CALCB: variants seen among roughly 807,000 people sequenced by gnomAD.
CALCB encodes calcitonin gene-related peptide 2.
A neutral mutation model predicts 10.7 loss-of-function variants in CALCB; 8 were observed. That is an observed-to-expected ratio of 0.75 (90% confidence interval 0.44 to 1.34). CALCB has a LOEUF of 1.34. Among genes scored for constraint, CALCB ranks in the 40% most tolerant of loss-of-function variants. The pLI is 0.01. For synonymous variants in CALCB, 76 were observed against 66.9 expected, an observed-to-expected ratio of 1.14 and a Z score of -0.66; for missense variants, 176 against 162.5, an observed-to-expected ratio of 1.08 and a Z score of -0.45.
rs767532661 is a variant in CALCB at position 15,074,760 on chromosome 11, C to T, written c.42C>T (p.Ile14=). 1 of 1,614,178 alleles carries T rather than the reference C, an allele frequency of 6.2e-7. No individual in the cohort carries two copies. The highest frequency in any genetic ancestry group is 1.7e-5 in the Admixed American group (1 of 60,024). ...TCTCCCCCTTCCTGGCTCTCAGTAT[C>T]TTGGTCCTGTACCAGGCGGGCAGCC... ...RKFSPFLALS[I]LVLYQAGSLQ... The change falls in exon 2 of 5, where the codon ATC becomes ATT. Residue 14 remains isoleucine, a synonymous_variant. Coordinates refer to ENST00000324229, the MANE Select transcript of CALCB (RefSeq NM_000728.4).
At chr11:15,076,799 G>T (rs1388733236) in intron 3 of CALCB, among the ~76,000 whole-genome samples, 1 of 152,214 alleles carries the variant, frequency 6.6e-6, no homozygotes, top group Non-Finnish European at 1.5e-5. Flanking sequence ...GGCTTGGTGG[G>T]TCATCACTAT....
intron 4 of CALCB, 58 bp from the exon 5 acceptor site, chr11:15,078,025 T>C (rs1009944350): frequency 6.6e-6 from 1 of 152,306 alleles, no homozygotes; most frequent in Non-Finnish European, 1.5e-5. Context: ...TTCTTCCTTT[T>C]TCTCTCCTTT....
chr11:15,075,075 G>T lies in CALCB; in HGVS notation c.101G>T (p.Ser34Ile). The T allele has an allele frequency of 6.2e-7, 1 of 1,614,208 alleles. No individual in the cohort carries two copies. Among genetic ancestry groups the T allele is most frequent in the South Asian group, 1.1e-5 (1 of 91,090 alleles). The change falls in exon 3 of 5, where the codon AGC becomes ATC. Residue 34 changes from serine to isoleucine, a missense_variant. Transcript: ENST00000324229. ...QAAPFRSALE[S>I]SPDPATLSKE... ...CCCTTCCACAGGTCTGCCCTGGAGA[G>T]CAGCCCAGACCCGGCCACACTCAGT...
chr11:15,075,981 G>A (rs1407327527), intron 3 of CALCB, among the ~76,000 whole-genome samples: 2 of 152,170 alleles, frequency 1.3e-5, no homozygotes, highest in East Asian at 3.9e-4. Context: ...TCCTCATTCA[G>A]CCCTTCTCTA....
At chr11:15,077,200 C>G in intron 3 of CALCB, 86 bp from the exon 4 acceptor site, 4 of 1,408,268 alleles carry the variant, frequency 2.8e-6, no homozygotes, top group South Asian at 1.2e-5. Context: ...GGTGGTGTGT[C>G]GAAGTGTTGC....
Position 15,075,187 on chromosome 11 carries a change from A to AGGAG in CALCB, c.213_214insGGAG (p.Gln72GlyfsTer61). On this transcript the variant is annotated frameshift_variant, in exon 3 of 5. Coordinates refer to ENST00000324229, the MANE Select transcript of CALCB (RefSeq NM_000728.4). LOFTEE classifies it high-confidence loss of function. ...GTGAGCTGAAGCAGGAGCAGGAGACACAGGGCTCCAGGTGAGGTTCCCCAA... is the reference window on the plus strand; with the variant it reads ...GTGAGCTGAAGCAGGAGCAGGAGACAGGAGCAGGGCTCCAGGTGAGGTTCCCCAA... 1 of 1,614,152 alleles carries AGGAG rather than the reference A, an allele frequency of 6.2e-7. No individual in the cohort carries two copies.
chr11:15,075,257 G>A, intron 3 of CALCB, 59 bp downstream of exon 3: 1 of 1,611,618 alleles, frequency 6.2e-7, no homozygotes, highest in African/African-American at 1.3e-5. Flanking sequence ...ACACAGGAAG[G>A]TGGATCCCAA....
rs751261259 is a variant in CALCB at position 15,077,341 on chromosome 11, G to A, written c.280G>A (p.Ala94Thr). 10 of 1,614,122 alleles carry A rather than the reference G, an allele frequency of 6.2e-6. No homozygotes were observed. In the Admixed American group the frequency reaches 1.7e-4, roughly 27 times the overall value. The change falls in exon 4 of 5, where the codon GCA becomes ACA. Residue 94 changes from alanine to threonine, a missense_variant. Transcript: ENST00000324229. ...NTATCVTHRL[A>T]GLLSRSGGMV... is the part of the protein sequence containing the mutation. ...TGCCACCTGTGTGACTCATCGGCTG[G>A]CAGGCTTGCTGAGCAGATCAGGGGG...
At chr11:15,074,949 C>G in intron 2 of CALCB, 112 bp from the exon 3 acceptor site, 1 of 1,447,460 alleles carries the variant, frequency 6.9e-7, no homozygotes. Context: ...CTGGGAGTCG[C>G]GGTGGCCACA....
chr11:15,074,277 G>T (rs1022034219), intron 1 of CALCB, among the ~76,000 whole-genome samples: 3 of 152,238 alleles, frequency 2.0e-5, no homozygotes, highest in South Asian at 2.1e-4. Flanking sequence ...AGAAATGAGC[G>T]CTCCTTTCCA....
chr11:15,074,612 G>A, intron 1 of CALCB, 98 bp from the exon 2 acceptor site: 1 of 871,980 alleles, frequency 1.1e-6, no homozygotes, highest in South Asian at 1.6e-5. Context: ...TCAGGCAGCT[G>A]AAGTAACGTG....
chr11:15,078,449 C>G lies in CALCB; in HGVS notation c.*392C>G, dbSNP rs761991751. 6 of 152,110 alleles carry G rather than the reference C, an allele frequency of 3.9e-5. No individual in the cohort carries two copies. The highest frequency in any genetic ancestry group is 8.8e-5 in the Non-Finnish European group (6 of 68,026). 9.4% of individuals were successfully genotyped at this position (152,110 alleles called of 1,614,324 possible). ...TAATGGTGATGCTGTGCCTTGTTAT[C>G]TAAGAACATGATTGTATAATTTGTT... On this transcript the variant is annotated 3_prime_UTR_variant, in exon 5 of 5. Coordinates refer to ENST00000324229, the MANE Select transcript of CALCB (RefSeq NM_000728.4).
intron 3 of CALCB, among the ~76,000 whole-genome samples, chr11:15,076,526 T>C (rs751684159): frequency 3.9e-5 from 6 of 152,226 alleles, no homozygotes; most frequent in Non-Finnish European, 7.3e-5. Flanking sequence ...CAGCAGGACT[T>C]ACTGAACACA....
rs750033156 is a variant in CALCB at position 15,077,269 on chromosome 11, T to G, written c.225-17T>G. The G allele has an allele frequency of 6.2e-7, 1 of 1,612,292 alleles. No homozygotes were observed. Among genetic ancestry groups the G allele is most frequent in the African/African-American group, 1.3e-5 (1 of 74,848 alleles). The stretch of plus-strand genomic sequence containing the variant: ...TCACTCACAGGTCTTCTCTTCTTTC[T>G]CTATCTTGCAAATCAGCTCCGCTGC... On this transcript the variant is annotated splice_polypyrimidine_tract_variant and intron_variant, in intron 3 of 4. Coordinates refer to ENST00000324229, the MANE Select transcript of CALCB (RefSeq NM_000728.4).
In CALCB at chr11:15,074,255, G is replaced by C. The variant is rs534008693; in HGVS notation, c.-9-455G>C. On this transcript the variant is annotated intron_variant, in intron 1 of 4. Coordinates refer to ENST00000324229, the MANE Select transcript of CALCB (RefSeq NM_000728.4). ...ACTGGCACGTTAAAAATTTTTCCCA[G>C]TTCCAAGACTGAGAAATGAGCGCTC... is the stretch of plus-strand genomic sequence containing the variant. Among the ~76,000 whole-genome samples, 4 of 152,366 alleles carry C rather than the reference G, an allele frequency of 2.6e-5. No homozygotes were observed. In the South Asian group the frequency reaches 8.3e-4, roughly 32 times the overall value.
At chr11:15,074,662 A>T (rs1351048555) in intron 1 of CALCB, 48 bp from the exon 2 acceptor site, 2 of 1,447,266 alleles carry the variant, frequency 1.4e-6, no homozygotes, top group Non-Finnish European at 9.6e-7. Flanking sequence ...GCAGGACTGG[A>T]ACCTAGATCT....
chr11:15,077,548 G>C, intron 4 of CALCB, 78 bp downstream of exon 4: 1 of 1,434,792 alleles, frequency 7.0e-7, no homozygotes, highest in Non-Finnish European at 9.4e-7. Context: ...CCTCTGCTCT[G>C]GTAGGTTCTT....
At chr11:15,073,819 C>A (rs540562240) in intron 1 of CALCB, among the ~76,000 whole-genome samples, 156 bp downstream of exon 1, 1 of 152,360 alleles carries the variant, frequency 6.6e-6, no homozygotes, top group East Asian at 1.9e-4. Flanking sequence ...CCGTAGAAGG[C>A]GAGCGGTTAG....
In CALCB at chr11:15,077,396, A is replaced by T. The variant is rs747902864; in HGVS notation, c.335A>T (p.Asn112Ile). ...GTGAAGAGCAACTTCGTGCCCACCA[A>T]TGTGGGTTCCAAAGCCTTTGGCAGG... ...GMVKSNFVPT[N>I]VGSKAFGRRR... is the part of the protein sequence containing the mutation. The change falls in exon 4 of 5, where the codon AAT becomes ATT. Residue 112 changes from asparagine to isoleucine, a missense_variant. By Grantham distance (149) the Asn-to-Ile change is moderately radical. Coordinates refer to ENST00000324229, the MANE Select transcript of CALCB (RefSeq NM_000728.4). The T allele has an allele frequency of 1.9e-6, 3 of 1,614,242 alleles. No individual in the cohort carries two copies. The South Asian group carries it at 3.3e-5, about 18-fold the overall frequency.
Sources: allele counts gnomAD v4.1 joint callset (sites outside exome capture counted in the v4.1 genomes callset), GRCh38; gene constraint gnomAD v4.1.1; transcripts MANE v1.5; gene names NCBI Gene and HGNC (gene_info 2026-07-23, HGNC 2026-07-21).